FSTL5: variants seen among roughly 807,000 people sequenced by gnomAD.
FSTL5 encodes the protein follistatin like 5.
Under a neutral mutation model 89.1 loss-of-function variants are expected in FSTL5, and 62 were observed. That is an observed-to-expected ratio of 0.70 (90% CI 0.57 to 0.86). The LOEUF is 0.86. FSTL5 is among the 40% of genes least tolerant of loss of function. The pLI is 0.00. For synonymous variants in FSTL5, 383 were observed against 346.2 expected (o/e 1.11, Z -1.18); for missense variants, 1,057 against 1,001.6 (o/e 1.06, Z -0.75).
chr4:161,925,334 C>T (rs148473202), intron 3 of FSTL5, among the ~76,000 whole-genome samples: 1,938 of 151,950 alleles, frequency 0.013, 30 homozygotes, highest in African/African-American at 0.044. Flanking sequence ...TTCTAAATTA[C>T]TCTTCTAAGA....
At chr4:162,123,439 G>A (rs77980178) in intron 1 of FSTL5, among the ~76,000 whole-genome samples, 21,296 of 152,128 alleles carry the variant, frequency 0.14, 2,083 homozygotes, top group Non-Finnish European at 0.19. Context: ...CTGGTGTGCA[G>A]GGGAAAGAGG....
intron 4 of FSTL5, among the ~76,000 whole-genome samples, chr4:161,878,649 G>A (rs1732525540): frequency 6.6e-6 from 1 of 151,866 alleles, no homozygotes; most frequent in African/African-American, 2.4e-5. Context: ...AGGGTAATAA[G>A]GTCTGATTAT....
intron 11 of FSTL5, 120 bp from the exon 12 acceptor site, chr4:161,500,254 A>G (rs192213559): frequency 6.5e-6 from 4 of 618,194 alleles, no homozygotes; most frequent in Non-Finnish European, 1.1e-5. Flanking sequence ...TGTAATGTTA[A>G]TAAAGCAAAC....
At chr4:161,517,216 T>C (rs1007902786) in intron 10 of FSTL5, among the ~76,000 whole-genome samples, 1 of 152,160 alleles carries the variant, frequency 6.6e-6, no homozygotes, top group Admixed American at 6.5e-5. Flanking sequence ...AAACTATAGT[T>C]AGTCTGTCTG....
chr4:161,922,801 A>G (rs1460476776), intron 3 of FSTL5, among the ~76,000 whole-genome samples: 1 of 145,612 alleles, frequency 6.9e-6, no homozygotes, highest in South Asian at 2.2e-4. Flanking sequence ...GGAAGATACT[A>G]GGAAAAGAAA....
intron 2 of FSTL5, among the ~76,000 whole-genome samples, chr4:162,087,461 T>A (rs992745349): frequency 6.6e-6 from 1 of 152,062 alleles, no homozygotes; most frequent in African/African-American, 2.4e-5. Context: ...GGTGAATATA[T>A]CTCATACTTA....
intron 6 of FSTL5, among the ~76,000 whole-genome samples, chr4:161,656,844 T>C (rs1736536880): frequency 6.6e-6 from 1 of 152,180 alleles, no homozygotes; most frequent in Admixed American, 6.5e-5. Flanking sequence ...TGATGCTGTT[T>C]ATTCACTGAT....
intron 2 of FSTL5, among the ~76,000 whole-genome samples, chr4:162,058,494 T>A (rs1738625545): frequency 6.9e-6 from 1 of 145,666 alleles, no homozygotes; most frequent in African/African-American, 2.6e-5. Flanking sequence ...AGGCATGATC[T>A]CAGCTCACTG....
intron 4 of FSTL5, among the ~76,000 whole-genome samples, chr4:161,877,320 GATAAT>G (rs1732476963): frequency 6.7e-6 from 1 of 150,214 alleles, no homozygotes; most frequent in South Asian, 2.1e-4. Flanking sequence ...AAATTACTAT[GATAAT>G]ATAATATGTT....
intron 15 of FSTL5, among the ~76,000 whole-genome samples, chr4:161,420,744 G>A (rs1313322272): frequency 1.3e-5 from 2 of 150,154 alleles, no homozygotes; most frequent in East Asian, 2.0e-4. Context: ...CCATATATAT[G>A]CCTTACTACA....
At chr4:161,434,455 T>C (rs780952544) in intron 15 of FSTL5, among the ~76,000 whole-genome samples, 22 of 151,996 alleles carry the variant, frequency 1.4e-4, no homozygotes, top group Middle Eastern at 3.2e-3. Context: ...ATAAAACTAC[T>C]ACAATAAAAC....
chr4:161,660,155 G>A (rs188074199), intron 6 of FSTL5, among the ~76,000 whole-genome samples: 39 of 152,228 alleles, frequency 2.6e-4, no homozygotes, highest in Middle Eastern at 3.4e-3. Context: ...CTCACATTAT[G>A]AGGACTATTA....
At position 162,099,121 on chromosome 4, in the gene FSTL5, C is replaced by T. The variant is rs545762419; in HGVS notation, c.126+12150G>A. Among the ~76,000 whole-genome samples, 5 of 152,134 alleles carry T rather than the reference C, an allele frequency of 3.3e-5. 1 individual carries two copies. The South Asian group carries it at 8.3e-4, about 25-fold the overall frequency. On this transcript the variant is annotated intron_variant, in intron 2 of 15. Coordinates refer to ENST00000306100, the MANE Select transcript of FSTL5 (RefSeq NM_020116.5). ...AAATCAGGATAACTGGGATAGTCATCACCTCGAACATGTATCATTTCTTTG... is the reference window on the plus strand; with the variant it reads ...AAATCAGGATAACTGGGATAGTCATTACCTCGAACATGTATCATTTCTTTG...
intron 2 of FSTL5, among the ~76,000 whole-genome samples, chr4:162,078,225 T>C (rs1729947081): frequency 6.6e-6 from 1 of 151,812 alleles, no homozygotes; most frequent in Non-Finnish European, 1.5e-5. Flanking sequence ...CTCTCCTTTA[T>C]GGGATTATCA....
chr4:161,795,866 T>A (rs1579098844), intron 4 of FSTL5, among the ~76,000 whole-genome samples: 2 of 152,116 alleles, frequency 1.3e-5, no homozygotes, highest in East Asian at 3.9e-4. Context: ...AGTTTGAAAT[T>A]AGGAAGTGTA....
intron 13 of FSTL5, among the ~76,000 whole-genome samples, chr4:161,473,307 C>T (rs1476579088): frequency 6.6e-6 from 1 of 151,974 alleles, no homozygotes; most frequent in Admixed American, 6.6e-5. Context: ...GCTTTTGCTT[C>T]ATATGTTTTG....
rs760771337 is a variant in FSTL5, at chr4:161,384,182, C to T, written c.*1565G>A. On this transcript the variant is annotated 3_prime_UTR_variant, in exon 16 of 16. Transcript: ENST00000306100. The stretch of plus-strand genomic sequence containing the variant: ...CACACAGCTCAGGATGCTATATACA[C>T]ATAAGATATTACACACTATAAAATT... 1.3e-5 allele frequency: 2 copies of T among 152,110 alleles called. No homozygotes were observed. Among genetic ancestry groups the T allele is most frequent in the African/African-American group, 2.4e-5 (1 of 41,424 alleles). The allele number at this position is 152,110 out of a possible 1,614,324, so 9.4% of individuals were successfully genotyped here. A position where few individuals can be genotyped will look rare whatever the true frequency, so the allele number is the denominator to read the frequency against.
chr4:161,974,609 G>T (rs1735579624), intron 3 of FSTL5, among the ~76,000 whole-genome samples: 2 of 122,836 alleles, frequency 1.6e-5, no homozygotes, highest in Non-Finnish European at 3.4e-5. Context: ...ATTCAAGATG[G>T]ATTAAAGATT....
chr4:161,418,441 G>A (rs1454214724), intron 15 of FSTL5, among the ~76,000 whole-genome samples: 2 of 152,132 alleles, frequency 1.3e-5, no homozygotes, highest in East Asian at 1.9e-4. Flanking sequence ...GTTTTTGACT[G>A]CAAGGTGGGA....
Sources: allele counts gnomAD v4.1 joint callset (sites outside exome capture counted in the v4.1 genomes callset), GRCh38; gene constraint gnomAD v4.1.1; transcripts MANE v1.5; gene names NCBI Gene and HGNC (gene_info 2026-07-23, HGNC 2026-07-21).